Variants in HEATR6 observed in about 807,000 individuals in gnomAD.
HEATR6 encodes HEAT repeat containing 6.
Under a neutral mutation model 132.8 loss-of-function variants are expected in HEATR6, and 106 were observed. The observed-to-expected ratio is 0.80, with a 90% CI of 0.68 to 0.94. HEATR6 has a LOEUF of 0.94. Among genes scored for constraint, HEATR6 ranks in the 40% least tolerant of loss-of-function variants. The pLI is 0.00. For missense variants in HEATR6, 1,339 were observed against 1,425.1 expected, an observed-to-expected ratio of 0.94 and a Z score of 0.97; for synonymous variants, 529 against 537.8, an observed-to-expected ratio of 0.98 and a Z score of 0.23.
Position 60,057,402 on chromosome 17 carries a change from ATC to A in HEATR6, c.1724-1_1724del. 6.3e-7 allele frequency: 1 copy of A among 1,579,212 alleles called. No homozygotes were observed. The highest frequency in any genetic ancestry group is 1.7e-4 in the Middle Eastern group (1 of 5,902). ...TGAGACTTGACACACGAACATTAAC[ATC>A]TGTCAAAGGAAGCAGTAAGAACTTA... is the stretch of plus-strand genomic sequence containing the variant. On this transcript the variant is annotated splice_acceptor_variant and coding_sequence_variant, in exon 12 of 20. Transcript: ENST00000184956.
intron 9 of HEATR6, among the ~76,000 whole-genome samples, chr17:60,061,261 A>G (rs1397737449): frequency 2.0e-5 from 3 of 152,232 alleles, no homozygotes; most frequent in Non-Finnish European, 4.4e-5. Flanking sequence ...TCTCCAAACA[A>G]CCAGGTAATA....
chr17:60,048,975 A>G (rs1487376646), intron 16 of HEATR6, among the ~76,000 whole-genome samples: 2 of 63,842 alleles, frequency 3.1e-5, no homozygotes, highest in African/African-American at 3.0e-4. Context: ...TAAATAACAT[A>G]TATATATAAT....
At chr17:60,077,718 T>C (rs1344373956) in intron 1 of HEATR6, among the ~76,000 whole-genome samples, 1 of 152,180 alleles carries the variant, frequency 6.6e-6, no homozygotes, top group African/African-American at 2.4e-5. Flanking sequence ...AAAGAAAAGA[T>C]CATTCTGGCA....
At chr17:60,063,066 A>G (rs931565233) in intron 9 of HEATR6, 13 of 153,212 alleles carry the variant, frequency 8.5e-5, no homozygotes, top group African/African-American at 3.1e-4. Flanking sequence ...CAGAAGCGTC[A>G]ATACAGATAC....
At chr17:60,073,056 G>C (rs1384652772) in intron 4 of HEATR6, 108 bp downstream of exon 4, 7 of 625,686 alleles carry the variant, frequency 1.1e-5, no homozygotes, top group Non-Finnish European at 2.0e-5. Context: ...TGCAAAGTTA[G>C]TTATTTGTCT....
At chr17:60,059,636 C>T in intron 10 of HEATR6, 115 bp from the exon 11 acceptor site, 1 of 713,694 alleles carries the variant, frequency 1.4e-6, no homozygotes. Flanking sequence ...AATTAGCCCC[C>T]CTTTTTTTTA....
rs1265801133 is a variant in HEATR6, at chr17:60,044,118, G to T, written c.2991C>A (p.Thr997=). The change falls in exon 20 of 20, where the codon ACC becomes ACA. Residue 997 remains threonine (T), a synonymous_variant. Transcript: ENST00000184956. ...ATGTCAGGGCATTGTAGGCCTGGGA[G>T]GTCCATGGGGCTGTCCCTAGAAAGA... ...PALPLGTAPW[T]SQAYNALTSV... is the part of the protein sequence containing the mutation. 10 of 1,609,862 alleles carry T rather than the reference G, an allele frequency of 6.2e-6. No individual in the cohort carries two copies. The highest frequency in any genetic ancestry group is 7.6e-6 in the Non-Finnish European group (9 of 1,177,838).
intron 14 of HEATR6, among the ~76,000 whole-genome samples, chr17:60,054,118 A>G (rs1906666696): frequency 6.6e-6 from 1 of 152,148 alleles, no homozygotes; most frequent in Admixed American, 6.5e-5. Context: ...CCAGGGCCCC[A>G]CTTCCCTGCA....
intron 15 of HEATR6, among the ~76,000 whole-genome samples, chr17:60,050,041 A>G (rs1476746992): frequency 1.3e-5 from 2 of 152,218 alleles, no homozygotes; most frequent in African/African-American, 4.8e-5. Flanking sequence ...GAATAGCAGT[A>G]TTCTGAATGC....
At chr17:60,049,834 A>G in intron 15 of HEATR6, 132 bp from the exon 16 acceptor site, 1 of 952,490 alleles carries the variant, frequency 1.0e-6, no homozygotes, top group East Asian at 2.7e-5. Flanking sequence ...CCTTGAGGCT[A>G]CCCTGGTAAA....
intron 7 of HEATR6, among the ~76,000 whole-genome samples, chr17:60,069,489 A>C (rs948710953): frequency 6.6e-6 from 1 of 152,178 alleles, no homozygotes; most frequent in African/African-American, 2.4e-5. Flanking sequence ...GTGAATGCTC[A>C]TTTTTATAGC....
At chr17:60,062,343 A>C (rs1168581459) in intron 9 of HEATR6, among the ~76,000 whole-genome samples, 1 of 152,278 alleles carries the variant, frequency 6.6e-6, no homozygotes, top group Non-Finnish European at 1.5e-5. Context: ...AATATTTAAA[A>C]TGATGAATGA....
At chr17:60,047,272 T>A (rs1452119232) in intron 18 of HEATR6, 37 bp downstream of exon 18, 2 of 1,335,440 alleles carry the variant, frequency 1.5e-6, no homozygotes, top group Non-Finnish European at 1.1e-6. Context: ...ACATTAACTA[T>A]CTGTTTGGGA....
rs116611200 is a variant in HEATR6 at position 60,059,981 on chromosome 17, A to G, written c.1532T>C (p.Met511Thr). 20 of 1,613,950 alleles carry G rather than the reference A, an allele frequency of 1.2e-5. No homozygotes were observed. The African/African-American group carries it at 1.7e-4, about 14-fold the overall frequency. The change falls in exon 10 of 20, where the codon ATG (methionine) becomes ACG (threonine). Residue 511 changes from methionine to threonine, a missense_variant. Coordinates refer to ENST00000184956, the MANE Select transcript of HEATR6 (RefSeq NM_022070.5). ...HRRAFTPFSV[M>T]IACSIRELHR... ...CAACTCTCTAATGCTGCAAGCGATC[A>G]TTACGGAGAAGGGGGTAAAAGCCCT...
Position 60,046,026 on chromosome 17 carries a change from T to C in HEATR6, c.2973A>G (p.Leu991=), listed in dbSNP as rs772297124. The part of the protein sequence containing the change: ...GNVFKNPALP[L]GTAPWTSQAY... ...GGGAGTGAAGGGAAACTTTCTTACC[T>C]AAAGGAAGGGCAGGATTTTTAAATA... The change falls in exon 19 of 20, where the codon TTA becomes TTG. Residue 991 remains leucine (L), a splice_region_variant and synonymous_variant. Transcript: ENST00000184956. 4.6e-5 allele frequency: 74 copies of C among 1,612,294 alleles called. No individual in the cohort carries two copies. The highest frequency in any genetic ancestry group is 6.1e-5 in the Non-Finnish European group (72 of 1,178,664).
Position 60,047,370 on chromosome 17 carries a change from G to C in HEATR6, c.2708C>G (p.Ser903Cys), listed in dbSNP as rs1205688831. 1.2e-6 allele frequency: 2 copies of C among 1,613,116 alleles called. No homozygotes were observed. Among genetic ancestry groups the C allele is most frequent in the Non-Finnish European group, 8.5e-7 (1 of 1,179,498 alleles). Residue 903 changes from serine to cysteine, a missense_variant, in exon 18 of 20, where the codon TCT (serine) becomes TGT (cysteine). Ser to Cys is a moderately radical substitution (Grantham distance 112). Transcript: ENST00000184956. ...TPDPSFQEEFSGLLLLKMLRS... is the reference protein window; with the variant it reads ...TPDPSFQEEFCGLLLLKMLRS... ...TAACATTTTCAAGAGCAGGAGACCA[G>C]AGAACTCTTCCTGGAAACTTGGGTC...
chr17:60,043,804 A>T lies in HEATR6; in HGVS notation c.3305T>A (p.Val1102Asp), dbSNP rs753760798. 1.2e-6 allele frequency: 2 copies of T among 1,613,988 alleles called. No homozygotes were observed. The highest frequency in any genetic ancestry group is 1.3e-5 in the African/African-American group (1 of 74,904). Residue 1102 changes from valine to aspartate, a missense_variant, in exon 20 of 20, where the codon GTC (valine) becomes GAC (aspartate). Transcript: ENST00000184956. ...KETLELSGNM[V>D]QSYILQFLKS... ...TAAAAACTGTAGAATATAGGACTGGACCATATTCCCACTCAGTTCAAGGGT... is the reference window on the plus strand; with the variant it reads ...TAAAAACTGTAGAATATAGGACTGGTCCATATTCCCACTCAGTTCAAGGGT...
At chr17:60,067,084 A>C (rs888537022) in intron 8 of HEATR6, among the ~76,000 whole-genome samples, 5 of 151,556 alleles carry the variant, frequency 3.3e-5, no homozygotes, top group African/African-American at 4.9e-5. Context: ...TCCCGGCTAA[A>C]ACGGTGAAAC....
chr17:60,065,776 C>CACAGA (rs1179940526), intron 9 of HEATR6, among the ~76,000 whole-genome samples: 5 of 152,172 alleles, frequency 3.3e-5, no homozygotes, highest in Non-Finnish European at 5.9e-5. Flanking sequence ...CCTGTGTTTT[C>CACAGA]ACAGAACATT....
Sources: gnomAD v4.1 joint callset for allele counts (sites outside exome capture counted in the v4.1 genomes callset) on GRCh38, gnomAD v4.1.1 for gene constraint, MANE v1.5 for transcripts, NCBI Gene and HGNC (gene_info 2026-07-23, HGNC 2026-07-21) for gene names.